RALYL: variants seen among roughly 807,000 people sequenced by gnomAD.
The protein encoded by RALYL is RALY RNA binding protein like.
In RALYL, 29 loss-of-function variants were observed where a neutral mutation model predicts 35.1. The ratio of observed to expected loss-of-function variants is 0.83; its 90% CI spans 0.61 to 1.13. RALYL has a LOEUF of 1.13. RALYL is among the 50% of genes most tolerant of loss of function. The pLI is 0.00. For synonymous variants in RALYL, 120 were observed against 127.6 expected (o/e 0.94, Z 0.40); for missense variants, 359 against 360.4 (o/e 1.00, Z 0.03).
At chr8:84,542,418 C>T (rs181057189) in intron 2 of RALYL, among the ~76,000 whole-genome samples, 33 of 152,072 alleles carry the variant, frequency 2.2e-4, no homozygotes, top group African/African-American at 3.6e-4. Flanking sequence ...TTATCTGATA[C>T]GGTTTGGCTG....
chr8:84,520,976 C>G (rs549431577), intron 1 of RALYL, among the ~76,000 whole-genome samples: 15 of 152,246 alleles, frequency 9.9e-5, no homozygotes, highest in African/African-American at 3.6e-4. Flanking sequence ...GGAGCTTATT[C>G]CATTTCCCCA....
At chr8:84,193,119 C>T (rs1033336059) in intron 1 of RALYL, among the ~76,000 whole-genome samples, 28 of 151,836 alleles carry the variant, frequency 1.8e-4, no homozygotes, top group African/African-American at 6.5e-4. Context: ...TCCAATTGCC[C>T]ATGTTTAAGG....
chr8:84,701,245 G>A (rs535721902), intron 2 of RALYL, among the ~76,000 whole-genome samples: 1 of 152,242 alleles, frequency 6.6e-6, no homozygotes, highest in South Asian at 2.1e-4. Flanking sequence ...TGAAGCCCCT[G>A]CTGGGAGTAC....
intron 2 of RALYL, among the ~76,000 whole-genome samples, chr8:84,641,114 AAATT>A (rs1826212018): frequency 6.6e-6 from 1 of 151,344 alleles, no homozygotes; most frequent in Non-Finnish European, 1.5e-5. Context: ...TTTTCATATA[AAATT>A]ATTATCTTTT....
chr8:84,816,053 GAAAAA>G (rs796092174), intron 4 of RALYL, among the ~76,000 whole-genome samples: 4 of 125,260 alleles, frequency 3.2e-5, no homozygotes, highest in South Asian at 2.7e-4. Context: ...AAAAAAAAAA[GAAAAA>G]AAGAAAAGAA....
At chr8:84,630,734 G>A (rs1380528221) in intron 2 of RALYL, among the ~76,000 whole-genome samples, 1 of 151,982 alleles carries the variant, frequency 6.6e-6, no homozygotes, top group Non-Finnish European at 1.5e-5. Flanking sequence ...TATTCCCTGT[G>A]CCCAGCTCAA....
At chr8:84,861,819 G>A (rs1445711021) in intron 5 of RALYL, among the ~76,000 whole-genome samples, 2 of 152,174 alleles carry the variant, frequency 1.3e-5, no homozygotes, top group African/African-American at 4.8e-5. Flanking sequence ...ATCTTGCTGG[G>A]CTGTTTACTG....
At chr8:84,437,898 G>A (rs1017105681) in intron 1 of RALYL, among the ~76,000 whole-genome samples, 1 of 152,102 alleles carries the variant, frequency 6.6e-6, no homozygotes, top group African/African-American at 2.4e-5. Flanking sequence ...CCAAGCAGAT[G>A]CCAGCATCAT....
chr8:84,425,259 G>T (rs1410398134), intron 1 of RALYL, among the ~76,000 whole-genome samples: 4 of 152,138 alleles, frequency 2.6e-5, no homozygotes, highest in African/African-American at 4.8e-5. Flanking sequence ...GTGGTGCGCC[G>T]TTTTTTAAGC....
chr8:84,769,834 C>T (rs1321994636), intron 2 of RALYL, among the ~76,000 whole-genome samples: 1 of 152,042 alleles, frequency 6.6e-6, no homozygotes, highest in Non-Finnish European at 1.5e-5. Flanking sequence ...TCTTAAATTC[C>T]TTATTAGTTA....
chr8:84,682,583 C>T lies in RALYL; in HGVS notation c.257-91996C>T, dbSNP rs549019637. Among the ~76,000 whole-genome samples, 16 of 152,134 alleles carry T rather than the reference C, an allele frequency of 1.1e-4. No homozygotes were observed. The South Asian group carries it at 2.9e-3, about 28-fold the overall frequency. On this transcript the variant is annotated intron_variant, in intron 2 of 8. Coordinates refer to ENST00000521268, the MANE Select transcript of RALYL (RefSeq NM_173848.7). ...TTTAGTGTTGGGAGAGTGTATGTGT[C>T]GAGGAATTTATCCATTTCTTCTAGA... is the stretch of plus-strand genomic sequence containing the variant.
intron 8 of RALYL, among the ~76,000 whole-genome samples, chr8:84,912,387 G>GA (rs1179200858): frequency 4.0e-5 from 6 of 151,772 alleles, no homozygotes; most frequent in Admixed American, 1.3e-4. Context: ...TTATGTAGAA[G>GA]AAAAAAATAC....
intron 1 of RALYL, among the ~76,000 whole-genome samples, chr8:84,448,366 C>T (rs961755628): frequency 2.0e-5 from 3 of 152,048 alleles, no homozygotes; most frequent in African/African-American, 7.2e-5. Context: ...GTTGTTGAGA[C>T]GTTTGAAATT....
At chr8:84,364,189 G>C (rs988330827) in intron 1 of RALYL, among the ~76,000 whole-genome samples, 1 of 152,170 alleles carries the variant, frequency 6.6e-6, no homozygotes, top group Non-Finnish European at 1.5e-5. Context: ...AATGAGAGAA[G>C]AGAGGCATCA....
intron 4 of RALYL, among the ~76,000 whole-genome samples, chr8:84,827,367 A>G (rs184389421): frequency 2.0e-5 from 3 of 152,284 alleles, no homozygotes; most frequent in African/African-American, 7.2e-5. Flanking sequence ...TTTACTGTAT[A>G]TAAGACCTTA....
At chr8:84,399,913 T>C (rs1352960668) in intron 1 of RALYL, among the ~76,000 whole-genome samples, 3 of 152,148 alleles carry the variant, frequency 2.0e-5, no homozygotes, top group African/African-American at 7.2e-5. Context: ...GGCCAGGAGT[T>C]CCAGACCAGC....
At position 84,634,486 on chromosome 8, in the gene RALYL, A is replaced by G. The variant is rs574131949; in HGVS notation, c.256+104909A>G. Among the ~76,000 whole-genome samples, 5 of 151,974 alleles carry G rather than the reference A, an allele frequency of 3.3e-5. No individual in the cohort carries two copies. In the East Asian group the frequency reaches 9.7e-4, roughly 30 times the overall value. On this transcript the variant is annotated intron_variant, in intron 2 of 8. Transcript: ENST00000521268. The stretch of plus-strand genomic sequence containing the variant: ...AAGCTATTTATGAAATATTCGTCCT[A>G]TTGGACTGTGAGTTGCTGGCATCAA...
intron 2 of RALYL, among the ~76,000 whole-genome samples, chr8:84,703,932 A>C (rs1385703983): frequency 6.6e-6 from 1 of 152,200 alleles, no homozygotes; most frequent in Non-Finnish European, 1.5e-5. Flanking sequence ...GTACAATTTC[A>C]TCAAAATCTA....
intron 2 of RALYL, among the ~76,000 whole-genome samples, chr8:84,677,651 C>T (rs1834485697): frequency 6.6e-6 from 1 of 152,076 alleles, no homozygotes; most frequent in African/African-American, 2.4e-5. Context: ...ATGCTTAAAA[C>T]CAGCAGTATT....
Sources: allele counts gnomAD v4.1 joint callset (sites outside exome capture counted in the v4.1 genomes callset), GRCh38; gene constraint gnomAD v4.1.1; transcripts MANE v1.5; gene names NCBI Gene and HGNC (gene_info 2026-07-23, HGNC 2026-07-21).